CDH8: variants seen among roughly 807,000 people sequenced by gnomAD.
CDH8 encodes the protein cadherin 8, also known as cadherin-8.
A neutral mutation model predicts 68.1 loss-of-function variants in CDH8; 17 were observed. The ratio of observed to expected loss-of-function variants is 0.25; its 90% CI spans 0.17 to 0.37. The LOEUF (loss-of-function observed/expected upper bound fraction) is 0.37. CDH8 is among the 10% of genes least tolerant of loss of function. The pLI, the probability that CDH8 is intolerant of heterozygous loss-of-function variation, is 1.00. For missense variants in CDH8, 763 were observed against 999.3 expected, an observed-to-expected ratio of 0.76 and a Z score of 3.19; for synonymous variants, 372 against 365.1, an observed-to-expected ratio of 1.02 and a Z score of -0.21.
chr16:61,694,285 G>C (rs1215808705), intron 10 of CDH8, among the ~76,000 whole-genome samples: 1 of 152,210 alleles, frequency 6.6e-6, no homozygotes, highest in East Asian at 1.9e-4. Context: ...AAAGTGGAAG[G>C]TTGGGGAAGG....
intron 7 of CDH8, among the ~76,000 whole-genome samples, chr16:61,807,328 G>A (rs367614611): frequency 8.7e-6 from 1 of 115,004 alleles, no homozygotes; most frequent in Admixed American, 1.0e-4. Flanking sequence ...GTGGTGGGGT[G>A]GGGGGAGGGG....
At chr16:61,690,048 A>G (rs1964187527) in intron 10 of CDH8, among the ~76,000 whole-genome samples, 1 of 152,104 alleles carries the variant, frequency 6.6e-6, no homozygotes, top group Non-Finnish European at 1.5e-5. Context: ...AAAAGTTGAC[A>G]TACTTCAAAA....
chr16:61,911,690 G>T (rs1490507800), intron 2 of CDH8, among the ~76,000 whole-genome samples: 1 of 150,234 alleles, frequency 6.7e-6, no homozygotes, highest in Non-Finnish European at 1.5e-5. Context: ...ATAGATATGT[G>T]TATAGATATG....
At chr16:61,681,091 G>A (rs984882611) in intron 10 of CDH8, among the ~76,000 whole-genome samples, 3 of 151,996 alleles carry the variant, frequency 2.0e-5, no homozygotes, top group African/African-American at 7.2e-5. Flanking sequence ...GTACAATGGG[G>A]TAGTCACTTT....
At position 61,653,354 on chromosome 16, in the gene CDH8, T is replaced by C; in HGVS notation, c.*254A>G. ...CCAATCTTTGTCTGTGGTGGTCAGG[T>C]AAATATCAAATATCCAAGGACTTCT... On this transcript the variant is annotated 3_prime_UTR_variant, in exon 12 of 12. Coordinates refer to ENST00000577390, the MANE Select transcript of CDH8 (RefSeq NM_001796.5). 4.0e-6 allele frequency: 5 copies of C among 1,247,838 alleles called. No homozygotes were observed. The highest frequency in any genetic ancestry group is 5.0e-6 in the Non-Finnish European group (5 of 998,254). The allele number at this position is 1,247,838 out of a possible 1,614,324, so 77.3% of individuals were successfully genotyped here. A position where few individuals can be genotyped will look rare whatever the true frequency, so the allele number is the denominator to read the frequency against.
At chr16:61,943,652 A>G (rs1316184044) in intron 2 of CDH8, among the ~76,000 whole-genome samples, 2 of 152,208 alleles carry the variant, frequency 1.3e-5, no homozygotes, top group African/African-American at 4.8e-5. Context: ...TTGAATAAAT[A>G]TGTATTCTAT....
At chr16:61,687,611 G>A (rs935813927) in intron 10 of CDH8, among the ~76,000 whole-genome samples, 1 of 151,898 alleles carries the variant, frequency 6.6e-6, no homozygotes, top group Non-Finnish European at 1.5e-5. Flanking sequence ...AAACCTTCCT[G>A]CCAGAAGTAA....
intron 4 of CDH8, among the ~76,000 whole-genome samples, chr16:61,845,508 A>C (rs964969164): frequency 6.6e-6 from 1 of 151,476 alleles, no homozygotes; most frequent in Non-Finnish European, 1.5e-5. Flanking sequence ...TATGTAAAAA[A>C]AAAAAAAAAA....
intron 2 of CDH8, among the ~76,000 whole-genome samples, chr16:62,017,196 A>T (rs1901962483): frequency 6.6e-6 from 1 of 152,330 alleles, no homozygotes; most frequent in Non-Finnish European, 1.5e-5. Flanking sequence ...CAAAGACCAA[A>T]GGACTCAAAA....
intron 2 of CDH8, among the ~76,000 whole-genome samples, chr16:62,011,196 A>T (rs907800731): frequency 2.0e-5 from 3 of 152,168 alleles, no homozygotes; most frequent in Non-Finnish European, 2.9e-5. Context: ...ATGGAAGCCC[A>T]GTGACATTTG....
intron 10 of CDH8, chr16:61,710,779 G>A (rs1964617114): frequency 1.3e-5 from 2 of 152,126 alleles, no homozygotes; most frequent in Admixed American, 6.5e-5. Flanking sequence ...CTGAGGAAGA[G>A]TAGTTTTCTG....
chr16:61,893,579 AT>A (rs1396450161), intron 3 of CDH8, among the ~76,000 whole-genome samples: 1 of 152,098 alleles, frequency 6.6e-6, no homozygotes, highest in African/African-American at 2.4e-5. Flanking sequence ...ACGGAACCAG[AT>A]TTTTGTGTGT....
chr16:61,892,916 T>C (rs1329896651), intron 3 of CDH8, among the ~76,000 whole-genome samples: 1 of 152,172 alleles, frequency 6.6e-6, no homozygotes, highest in African/African-American at 2.4e-5. Flanking sequence ...GAAGCCTGAG[T>C]TGTCATTTTA....
At chr16:61,770,418 T>A (rs189049558) in intron 8 of CDH8, among the ~76,000 whole-genome samples, 4 of 151,860 alleles carry the variant, frequency 2.6e-5, no homozygotes, top group African/African-American at 9.7e-5. Context: ...CTCCAGCCAT[T>A]CTTCAACCAA....
chr16:61,967,590 C>T (rs2150574942), intron 2 of CDH8, among the ~76,000 whole-genome samples: 1 of 152,250 alleles, frequency 6.6e-6, no homozygotes, highest in South Asian at 2.1e-4. Context: ...ACATCATATA[C>T]ATGTAGCCAG....
chr16:61,679,228 A>G (rs1380638730), intron 10 of CDH8, among the ~76,000 whole-genome samples: 1 of 152,056 alleles, frequency 6.6e-6, no homozygotes, highest in African/African-American at 2.4e-5. Flanking sequence ...TGGAACAATG[A>G]GCAAGGATGT....
chr16:61,700,937 T>C (rs1305633791), intron 10 of CDH8, among the ~76,000 whole-genome samples: 1 of 152,240 alleles, frequency 6.6e-6, no homozygotes, highest in Non-Finnish European at 1.5e-5. Context: ...AAGTGATATA[T>C]GTGCTAATTA....
Position 61,817,661 on chromosome 16 carries a change from G to T in CDH8, c.1095C>A (p.Arg365=). The part of the protein sequence containing the change: ...VEAANVHIDP[R]FSGRGPFKDT... ...CTTTAAAGGGCCCCCTGCCACTGAA[G>T]CGTGGGTCAATATGGACATTGGCTG... Residue 365 remains arginine, a synonymous_variant, in exon 7 of 12, where the codon CGC becomes CGA. Coordinates refer to ENST00000577390, the MANE Select transcript of CDH8 (RefSeq NM_001796.5). 6.2e-7 allele frequency: 1 copy of T among 1,613,476 alleles called. No individual in the cohort carries two copies.
intron 10 of CDH8, among the ~76,000 whole-genome samples, chr16:61,664,324 G>A (rs1259889407): frequency 4.0e-5 from 6 of 151,730 alleles, no homozygotes; most frequent in African/African-American, 1.5e-4. Context: ...ATAGAGTAAC[G>A]GAGATAAGAC....
Sources: gnomAD v4.1 joint callset for allele counts (sites outside exome capture counted in the v4.1 genomes callset) on GRCh38, gnomAD v4.1.1 for gene constraint, MANE v1.5 for transcripts, NCBI Gene and HGNC (gene_info 2026-07-23, HGNC 2026-07-21) for gene names.